Variants in CFAP61 observed in about 807,000 individuals in gnomAD.
CFAP61 encodes cilia- and flagella-associated protein 61.
A neutral mutation model predicts 135.6 loss-of-function variants in CFAP61; 107 were observed. The ratio of observed to expected loss-of-function variants is 0.79; its 90% CI spans 0.67 to 0.93. CFAP61 has a LOEUF of 0.93. Ranked by LOEUF, CFAP61 falls within the 40% of genes least tolerant of loss-of-function variation. The probability of loss-of-function intolerance (pLI) is 0.00; values close to 1 mark genes in which losing one functional copy is unlikely to be tolerated. For missense variants in CFAP61, 1,507 were observed against 1,556.2 expected (o/e 0.97, Z 0.53); for synonymous variants, 575 against 578.5 (o/e 0.99, Z 0.09).
intron 8 of CFAP61, among the ~76,000 whole-genome samples, chr20:20,113,712 T>A (rs993354017): frequency 1.5e-4 from 23 of 152,126 alleles, no homozygotes; most frequent in Admixed American, 7.2e-4. Flanking sequence ...GAATATCCAA[T>A]TGACTAAGTA....
In CFAP61 at chr20:20,290,289, A is replaced by G. The variant is rs1200606667; in HGVS notation, c.3125-11A>G. ...ATTAATTTTAAATGGAAAACTTGCC[A>G]TCTCTTCTAGGGGGCATTCTTCCTG... On this transcript the variant is annotated splice_polypyrimidine_tract_variant and intron_variant, in intron 23 of 26. Coordinates refer to ENST00000245957, the MANE Select transcript of CFAP61 (RefSeq NM_015585.4). 7 of 1,571,604 alleles carry G rather than the reference A, an allele frequency of 4.5e-6. No homozygotes were observed. The highest frequency in any genetic ancestry group is 2.6e-6 in the Non-Finnish European group (3 of 1,141,520).
intron 17 of CFAP61, among the ~76,000 whole-genome samples, chr20:20,208,618 A>G (rs1363638277): frequency 3.3e-5 from 5 of 152,172 alleles, no homozygotes; most frequent in Non-Finnish European, 7.3e-5. Context: ...TTGAATTTCT[A>G]GTCTTTCTGA....
intron 3 of CFAP61, chr20:20,074,040 G>A (rs2146575212): frequency 8.3e-6 from 4 of 479,950 alleles, no homozygotes; most frequent in Non-Finnish European, 1.5e-5. Context: ...GTGAGGGCAG[G>A]AGGAAGGGCG....
chr20:20,190,949 T>C (rs924406263), intron 14 of CFAP61, among the ~76,000 whole-genome samples: 8 of 151,968 alleles, frequency 5.3e-5, no homozygotes, highest in African/African-American at 1.7e-4. Context: ...TGTAACCTCA[T>C]CTCTACTAAA....
intron 6 of CFAP61, among the ~76,000 whole-genome samples, chr20:20,083,584 T>A (rs1238005151): frequency 6.6e-6 from 1 of 152,242 alleles, no homozygotes; most frequent in East Asian, 1.9e-4. Flanking sequence ...AAGGCAATCA[T>A]TTTAATGAAA....
At chr20:20,208,245 T>C (rs2056946253) in intron 17 of CFAP61, among the ~76,000 whole-genome samples, 1 of 152,238 alleles carries the variant, frequency 6.6e-6, no homozygotes, top group Non-Finnish European at 1.5e-5. Flanking sequence ...ATATGTTCTA[T>C]GTGGCTGAGT....
Position 20,056,701 on chromosome 20 carries a change from C to T in CFAP61, c.48C>T (p.Cys16=). The part of the protein sequence containing the change: ...SPRGKVEVVH[C]RRTESQDVYC... ...GAGGAAAGGTAGAAGTTGTTCATTG[C>T]CGAAGAACAGAATCACAGGATGTTT... The change falls in exon 2 of 27, where the codon TGC becomes TGT. Residue 16 remains cysteine, a synonymous_variant. Coordinates refer to ENST00000245957, the MANE Select transcript of CFAP61 (RefSeq NM_015585.4). 6.2e-7 allele frequency: 1 copy of T among 1,613,806 alleles called. No individual in the cohort carries two copies. Among genetic ancestry groups the T allele is most frequent in the Non-Finnish European group, 8.5e-7 (1 of 1,179,722 alleles).
intron 25 of CFAP61, among the ~76,000 whole-genome samples, chr20:20,327,150 T>C (rs6112865): frequency 0.15 from 22,450 of 152,128 alleles, 1,836 homozygotes; most frequent in East Asian, 0.28. Flanking sequence ...AAGCATATTT[T>C]ATTAGATTAT....
chr20:20,176,186 T>C (rs2054614129), intron 13 of CFAP61, among the ~76,000 whole-genome samples: 1 of 152,032 alleles, frequency 6.6e-6, no homozygotes, highest in Non-Finnish European at 1.5e-5. Context: ...TGGCGATTAT[T>C]AAAAAGTCAA....
In CFAP61 at chr20:20,262,988, A is replaced by G; in HGVS notation, c.2361A>G (p.Gln787=). 6.2e-7 allele frequency: 1 copy of G among 1,613,840 alleles called. No individual in the cohort carries two copies. The highest frequency in any genetic ancestry group is 1.7e-4 in the Middle Eastern group (1 of 6,056). Residue 787 remains glutamine, a synonymous_variant, in exon 21 of 27, where the codon CAA becomes CAG. Coordinates refer to ENST00000245957, the MANE Select transcript of CFAP61 (RefSeq NM_015585.4). ...GCCCTACAGAGGCTGATATTAGTCA[A>G]CACCTGACAAACAGGGAGGTTCCCA... ...VPCPTEADIS[Q]HLTNREVPNS...
At chr20:20,295,262 C>T (rs1055542153) in intron 24 of CFAP61, among the ~76,000 whole-genome samples, 1 of 152,184 alleles carries the variant, frequency 6.6e-6, no homozygotes, top group African/African-American at 2.4e-5. Context: ...TTTAGTGAGA[C>T]TCTTGGCAAA....
intron 17 of CFAP61, among the ~76,000 whole-genome samples, chr20:20,207,868 A>G (rs907082486): frequency 2.0e-5 from 3 of 152,202 alleles, no homozygotes; most frequent in Non-Finnish European, 2.9e-5. Flanking sequence ...TTTCTGTGAA[A>G]AAGACTGCAT....
At chr20:20,329,936 C>T (rs961851612) in intron 25 of CFAP61, among the ~76,000 whole-genome samples, 1 of 152,240 alleles carries the variant, frequency 6.6e-6, no homozygotes, top group Non-Finnish European at 1.5e-5. Context: ...TATTGTGGTT[C>T]TCTTTACATG....
chr20:20,325,880 T>G (rs1238628095), intron 25 of CFAP61, among the ~76,000 whole-genome samples: 7 of 152,242 alleles, frequency 4.6e-5, no homozygotes, highest in African/African-American at 1.2e-4. Flanking sequence ...GCATTTGGTG[T>G]TGTTAATGTT....
At chr20:20,322,444 A>G (rs1420636232) in intron 25 of CFAP61, among the ~76,000 whole-genome samples, 1 of 152,114 alleles carries the variant, frequency 6.6e-6, no homozygotes, top group African/African-American at 2.4e-5. Context: ...CCTTCACTCC[A>G]TTTCTGAGCC....
intron 25 of CFAP61, among the ~76,000 whole-genome samples, chr20:20,314,636 C>T (rs1268881536): frequency 1.4e-5 from 2 of 143,824 alleles, no homozygotes; most frequent in South Asian, 2.3e-4. Flanking sequence ...GCTGCACCCA[C>T]TAACTCGTCA....
intron 25 of CFAP61, among the ~76,000 whole-genome samples, chr20:20,309,650 T>G (rs1310989765): frequency 6.6e-6 from 1 of 152,210 alleles, no homozygotes; most frequent in East Asian, 1.9e-4. Context: ...ATGACCATTC[T>G]TTAGTAAAAG....
intron 14 of CFAP61, among the ~76,000 whole-genome samples, chr20:20,190,616 A>G (rs201963444): frequency 4.3e-4 from 66 of 152,228 alleles, no homozygotes; most frequent in East Asian, 5.8e-4. Context: ...AATTGTATCA[A>G]TGTTGGTTTC....
intron 6 of CFAP61, among the ~76,000 whole-genome samples, chr20:20,080,540 A>T (rs2046362758): frequency 6.6e-6 from 1 of 152,252 alleles, no homozygotes. Context: ...TGTACAACAG[A>T]TAACTAAATG....
Sources: gnomAD v4.1 joint callset for allele counts (sites outside exome capture counted in the v4.1 genomes callset) on GRCh38, gnomAD v4.1.1 for gene constraint, MANE v1.5 for transcripts, NCBI Gene and HGNC (gene_info 2026-07-23, HGNC 2026-07-21) for gene names.